The following BLNK variants were observed in gnomAD, a reference collection of about 807,000 sequenced individuals.
The protein encoded by BLNK is B-cell linker protein.
BLNK carries 29 observed loss-of-function variants against 73.5 expected under a neutral mutation model. The ratio of observed to expected loss-of-function variants is 0.39; its 90% CI spans 0.29 to 0.54. The LOEUF is 0.54. BLNK is among the 20% of genes least tolerant of loss of function. The pLI, the probability that BLNK is intolerant of heterozygous loss-of-function variation, is 0.61. For missense variants in BLNK, 460 were observed against 562.8 expected (o/e 0.82, Z 1.85); for synonymous variants, 176 against 200.8 (o/e 0.88, Z 1.04).
intron 6 of BLNK, among the ~76,000 whole-genome samples, chr10:96,222,170 A>G (rs931730337): frequency 6.6e-6 from 1 of 152,208 alleles, no homozygotes; most frequent in African/African-American, 2.4e-5. Flanking sequence ...GAGATGAAAA[A>G]CAGACTCATA....
intron 10 of BLNK, among the ~76,000 whole-genome samples, chr10:96,207,276 G>A (rs1318312812): frequency 1.3e-5 from 2 of 152,194 alleles, no homozygotes; most frequent in Non-Finnish European, 2.9e-5. Flanking sequence ...TCACTGTGGT[G>A]GAGAAACCTC....
chr10:96,213,085 T>C, intron 8 of BLNK, among the ~76,000 whole-genome samples: 1 of 152,248 alleles, frequency 6.6e-6, no homozygotes, highest in South Asian at 2.1e-4. Context: ...TCCAGCTGGC[T>C]AAAGCCCTGT....
intron 3 of BLNK, among the ~76,000 whole-genome samples, chr10:96,232,102 C>T (rs941046213): frequency 2.6e-5 from 4 of 152,194 alleles, no homozygotes; most frequent in Non-Finnish European, 5.9e-5. Flanking sequence ...CATAAACTGA[C>T]CTTAGAGGTT....
chr10:96,191,123 G>A lies in BLNK; in HGVS notation c.*850C>T, dbSNP rs1564807021. ...TGGTTTTATAAAGGGCAGTTCCCCTGCACATGCTCTCTTGCCTGCCACCAT... is the reference window on the plus strand; with the variant it reads ...TGGTTTTATAAAGGGCAGTTCCCCTACACATGCTCTCTTGCCTGCCACCAT... On this transcript the variant is annotated 3_prime_UTR_variant, in exon 17 of 17. Coordinates refer to ENST00000224337, the MANE Select transcript of BLNK (RefSeq NM_013314.4). Among the ~76,000 whole-genome samples the A allele has an allele frequency of 6.6e-6, 1 of 151,900 alleles. No individual in the cohort carries two copies. Among genetic ancestry groups the A allele is most frequent in the Admixed American group, 6.6e-5 (1 of 15,256 alleles).
chr10:96,191,579 A>G lies in BLNK; in HGVS notation c.*394T>C, dbSNP rs140514737. On this transcript the variant is annotated 3_prime_UTR_variant, in exon 17 of 17. Transcript: ENST00000224337. Reference sequence around the variant, plus strand: ...TTTAACCAAGACTTAATTGTCAAGCATTGGCAGTGGAGAGCCCAGCTACAT... The same window carrying G: ...TTTAACCAAGACTTAATTGTCAAGCGTTGGCAGTGGAGAGCCCAGCTACAT... 2.9e-5 allele frequency: 5 copies of G among 173,022 alleles called. No individual in the cohort carries two copies. The East Asian group carries it at 8.4e-4, about 29-fold the overall frequency. The allele number at this position is 173,022 out of a possible 1,614,324, so 10.7% of individuals were successfully genotyped here.
At chr10:96,213,863 C>A (rs587663178) in intron 8 of BLNK, among the ~76,000 whole-genome samples, 4 of 152,268 alleles carry the variant, frequency 2.6e-5, no homozygotes, top group South Asian at 2.1e-4. Context: ...GCATGTTTGA[C>A]CTTTGTCTCT....
At chr10:96,217,069 C>T (rs2084085074) in intron 6 of BLNK, among the ~76,000 whole-genome samples, 2 of 152,202 alleles carry the variant, frequency 1.3e-5, no homozygotes, top group African/African-American at 2.4e-5. Flanking sequence ...CGGAATCACA[C>T]AATCTGTAGT....
chr10:96,215,367 G>T lies in BLNK; in HGVS notation c.630C>A (p.Thr210=). ...AGGCGGGCGTTGAGGAATTTGGCTT[G>T]GTTGATCTATTCACCATGGGAGCTT... is the stretch of plus-strand genomic sequence containing the variant. The part of the protein sequence containing the change: ...PEKAPMVNRS[T]KPNSSTPASP... Residue 210 remains threonine (T), a synonymous_variant, in exon 8 of 17, where the codon ACC becomes ACA. Transcript: ENST00000224337. 6.2e-7 allele frequency: 1 copy of T among 1,613,616 alleles called. No individual in the cohort carries two copies. Among genetic ancestry groups the T allele is most frequent in the Non-Finnish European group, 8.5e-7 (1 of 1,179,876 alleles).
chr10:96,236,074 T>TGTGGTG (rs1491472253), intron 3 of BLNK, among the ~76,000 whole-genome samples: 1 of 151,856 alleles, frequency 6.6e-6, no homozygotes, highest in Non-Finnish European at 1.5e-5. Flanking sequence ...TACAGGACTC[T>TGTGGTG]GTGGTGGTGG....
In BLNK at chr10:96,191,991, A is replaced by G. The variant is rs1485630449; in HGVS notation, c.1353T>C (p.Tyr451=). 1 of 1,613,650 alleles carries G rather than the reference A, an allele frequency of 6.2e-7. No individual in the cohort carries two copies. Among genetic ancestry groups the G allele is most frequent in the African/African-American group, 1.3e-5 (1 of 74,908 alleles). The part of the protein sequence containing the change: ...NNTKDSTRLK[Y]AVKVS ...TCCCCCTTTATGAAACTTTAACTGCATACTTCAGTCTGGTGGAATCTTTTG... is the reference window on the plus strand; with the variant it reads ...TCCCCCTTTATGAAACTTTAACTGCGTACTTCAGTCTGGTGGAATCTTTTG... The change falls in exon 17 of 17, where the codon TAT becomes TAC. Residue 451 remains tyrosine, a synonymous_variant. Coordinates refer to ENST00000224337, the MANE Select transcript of BLNK (RefSeq NM_013314.4).
At position 96,192,098 on chromosome 10, in the gene BLNK, G is replaced by T; in HGVS notation, c.1252-6C>A. Reference sequence around the variant, plus strand: ...TCAGCAACACTTCCAAAGTACTAGAGGAAGAAAACATAGATGAATTATACT... The same window carrying T: ...TCAGCAACACTTCCAAAGTACTAGATGAAGAAAACATAGATGAATTATACT... On this transcript the variant is annotated splice_polypyrimidine_tract_variant and splice_region_variant and intron_variant, in intron 16 of 16. Coordinates refer to ENST00000224337, the MANE Select transcript of BLNK (RefSeq NM_013314.4). The T allele has an allele frequency of 6.2e-7, 1 of 1,613,406 alleles. No homozygotes were observed. The highest frequency in any genetic ancestry group is 8.5e-7 in the Non-Finnish European group (1 of 1,179,650).
chr10:96,199,140 A>G (rs2083558201), intron 15 of BLNK, among the ~76,000 whole-genome samples: 1 of 152,226 alleles, frequency 6.6e-6, no homozygotes, highest in African/African-American at 2.4e-5. Context: ...ACACTAATAT[A>G]TTTACTTGTA....
chr10:96,225,895 G>A (rs113529825), intron 5 of BLNK, among the ~76,000 whole-genome samples: 3 of 152,112 alleles, frequency 2.0e-5, no homozygotes, highest in African/African-American at 7.2e-5. Flanking sequence ...TCCATCCACT[G>A]TGGCCTCCCA....
intron 1 of BLNK, among the ~76,000 whole-genome samples, chr10:96,270,523 C>T (rs777771512): frequency 2.6e-5 from 4 of 151,672 alleles, no homozygotes; most frequent in African/African-American, 9.7e-5. Flanking sequence ...GATGACAGGT[C>T]GATGGGTGCA....
chr10:96,219,698 G>C (rs782222749), intron 6 of BLNK, among the ~76,000 whole-genome samples: 4 of 152,210 alleles, frequency 2.6e-5, no homozygotes, highest in Non-Finnish European at 5.9e-5. Context: ...GAGCTGTTTA[G>C]AGTCATGATG....
At position 96,200,189 on chromosome 10, in the gene BLNK, G is replaced by A. The variant is rs375697043; in HGVS notation, c.1012-31C>T. On this transcript the variant is annotated intron_variant, in intron 14 of 16. Coordinates refer to ENST00000224337, the MANE Select transcript of BLNK (RefSeq NM_013314.4). The surrounding 1 kb of genome is among the most constrained non-coding windows in gnomAD (Gnocchi z 4.3). ...AAATGGAGGGCACTGGTCAGCATGG[G>A]ATGGTCCCTACTTAACTCTAATTTC... 9 of 1,590,180 alleles carry A rather than the reference G, an allele frequency of 5.7e-6. No individual in the cohort carries two copies. The African/African-American group carries it at 1.1e-4, about 19-fold the overall frequency.
chr10:96,264,802 A>T (rs1843918594), intron 1 of BLNK, among the ~76,000 whole-genome samples: 1 of 152,172 alleles, frequency 6.6e-6, no homozygotes, highest in African/African-American at 2.4e-5. Context: ...GGACACTGCC[A>T]CAGAATTTTC....
At chr10:96,237,227 C>G (rs1554905262) in intron 3 of BLNK, among the ~76,000 whole-genome samples, 1 of 152,192 alleles carries the variant, frequency 6.6e-6, no homozygotes, top group Non-Finnish European at 1.5e-5. Context: ...GCACCAGGCC[C>G]ATGACAAAAG....
chr10:96,207,558 T>C (rs2083849614), intron 10 of BLNK, among the ~76,000 whole-genome samples: 5 of 152,236 alleles, frequency 3.3e-5, no homozygotes, highest in Admixed American at 3.3e-4. Flanking sequence ...GGTCTACCAT[T>C]AGCTGTGGTG....
Sources: allele counts gnomAD v4.1 joint callset (sites outside exome capture counted in the v4.1 genomes callset), GRCh38; gene constraint gnomAD v4.1.1; non-coding constraint Gnocchi (gnomAD v3.1); transcripts MANE v1.5; gene names NCBI Gene and HGNC (gene_info 2026-07-23, HGNC 2026-07-21).